The following ANKRD13C variants were observed in gnomAD, a reference collection of about 807,000 sequenced individuals.
The protein encoded by ANKRD13C is ankyrin repeat domain 13C.
A neutral mutation model predicts 65.5 loss-of-function variants in ANKRD13C; 16 were observed. The ratio of observed to expected loss-of-function variants is 0.24; its 90% CI spans 0.17 to 0.37. The LOEUF (loss-of-function observed/expected upper bound fraction) is 0.37, where lower values mean the gene tolerates loss of function less well. Ranked by LOEUF, ANKRD13C falls within the 10% of genes least tolerant of loss-of-function variation. The pLI is 1.00. For missense variants in ANKRD13C, 503 were observed against 655.9 expected, an observed-to-expected ratio of 0.77 and a Z score of 2.55; for synonymous variants, 235 against 238.7, an observed-to-expected ratio of 0.98 and a Z score of 0.14.
chr1:70,336,500 A>G (rs1682027814), intron 1 of ANKRD13C, among the ~76,000 whole-genome samples: 1 of 151,774 alleles, frequency 6.6e-6, no homozygotes, highest in Non-Finnish European at 1.5e-5. Context: ...TTAGAGACAA[A>G]TATGAAAATA....
At chr1:70,269,477 G>A (rs1238084588) in intron 12 of ANKRD13C, among the ~76,000 whole-genome samples, 1 of 152,092 alleles carries the variant, frequency 6.6e-6, no homozygotes. Context: ...TACCTAGAAG[G>A]GAGTCTAAAA....
At chr1:70,341,361 G>GTTTT (rs1558313227) in intron 1 of ANKRD13C, among the ~76,000 whole-genome samples, 1 of 128,684 alleles carries the variant, frequency 7.8e-6, no homozygotes, top group African/African-American at 3.1e-5. Flanking sequence ...ATCTTTTTGT[G>GTTTT]TGTTTTTTTT....
intron 5 of ANKRD13C, among the ~76,000 whole-genome samples, chr1:70,309,439 C>A (rs1184523982): frequency 2.0e-5 from 3 of 149,960 alleles, no homozygotes; most frequent in Non-Finnish European, 4.4e-5. Flanking sequence ...AAATAATAGG[C>A]CGGGCGCGGT....
chr1:70,347,016 G>A (rs185838059), intron 1 of ANKRD13C, among the ~76,000 whole-genome samples: 149 of 150,350 alleles, frequency 9.9e-4, no homozygotes, highest in African/African-American at 2.7e-3. Context: ...GGTGTGAACC[G>A]GGGAGGCGGA....
intron 4 of ANKRD13C, among the ~76,000 whole-genome samples, 172 bp from the exon 5 acceptor site, chr1:70,313,962 T>A (rs1415646187): frequency 6.6e-6 from 1 of 151,994 alleles, no homozygotes; most frequent in Non-Finnish European, 1.5e-5. Context: ...GTAACATATC[T>A]GAAACTGATA....
rs1228023912 is a variant in ANKRD13C, at chr1:70,282,054, C to CTT, written c.1216-5212_1216-5211dup. On this transcript the variant is annotated intron_variant, in intron 9 of 12. Coordinates refer to ENST00000370944, the MANE Select transcript of ANKRD13C (RefSeq NM_030816.5). ...GGAATATGAAACTGGTACATATCATCTTTTTTTTTTTTTTTTTTGAGATGG... is the reference window on the plus strand; with the variant it reads ...GGAATATGAAACTGGTACATATCATCTTTTTTTTTTTTTTTTTTTTGAGATGG... Among the ~76,000 whole-genome samples the CTT allele has an allele frequency of 3.9e-4, 52 of 132,014 alleles. 2 individuals are homozygous for CTT. Among genetic ancestry groups the CTT allele is most frequent in the African/African-American group, 1.2e-3 (43 of 34,724 alleles). 86.6% of individuals were successfully genotyped at this position (132,014 alleles called of 152,430 possible).
At chr1:70,338,025 G>C (rs962271315) in intron 1 of ANKRD13C, among the ~76,000 whole-genome samples, 1 of 152,050 alleles carries the variant, frequency 6.6e-6, no homozygotes, top group Non-Finnish European at 1.5e-5. Context: ...CTTGAACCTG[G>C]GAGGCGAAGG....
intron 1 of ANKRD13C, among the ~76,000 whole-genome samples, chr1:70,352,207 G>T (rs548130947): frequency 6.6e-6 from 1 of 152,060 alleles, no homozygotes; most frequent in South Asian, 2.1e-4. Context: ...TGGCGCGGTG[G>T]TGGGCGCCTG....
intron 6 of ANKRD13C, among the ~76,000 whole-genome samples, chr1:70,304,214 TGTATTTTTC>T (rs1219558022): frequency 4.1e-5 from 6 of 147,864 alleles, no homozygotes; most frequent in Admixed American, 3.4e-4. Flanking sequence ...GCTAATTTTT[TGTATTTTTC>T]GTATAGACAA....
At chr1:70,328,923 G>A (rs914138056) in intron 2 of ANKRD13C, among the ~76,000 whole-genome samples, 1 of 152,076 alleles carries the variant, frequency 6.6e-6, no homozygotes, top group Non-Finnish European at 1.5e-5. Context: ...TTGTAAATAT[G>A]TTTGTATGTA....
At chr1:70,321,685 A>G (rs1044359646) in intron 3 of ANKRD13C, among the ~76,000 whole-genome samples, 1 of 152,206 alleles carries the variant, frequency 6.6e-6, no homozygotes, top group African/African-American at 2.4e-5. Flanking sequence ...TTTTAGTTGT[A>G]TCCATATCTC....
chr1:70,272,259 C>T (rs555128870), intron 11 of ANKRD13C, among the ~76,000 whole-genome samples: 59 of 147,214 alleles, frequency 4.0e-4, no homozygotes, highest in Admixed American at 1.4e-3. Context: ...GAGTTTCGCT[C>T]TTGTTGCCCA....
At chr1:70,275,831 C>T (rs1038293870) in intron 10 of ANKRD13C, among the ~76,000 whole-genome samples, 10 of 151,404 alleles carry the variant, frequency 6.6e-5, no homozygotes, top group African/African-American at 1.2e-4. Flanking sequence ...CATGGTGGAG[C>T]GCACCTGTAT....
chr1:70,319,511 G>T (rs190732285), intron 3 of ANKRD13C, among the ~76,000 whole-genome samples: 490 of 151,162 alleles, frequency 3.2e-3, no homozygotes, highest in African/African-American at 0.011. Context: ...GGAGACTGGG[G>T]CAGGAGAATT....
intron 2 of ANKRD13C, among the ~76,000 whole-genome samples, chr1:70,328,744 A>G (rs1681656369): frequency 6.6e-6 from 1 of 152,240 alleles, no homozygotes; most frequent in Non-Finnish European, 1.5e-5. Flanking sequence ...CTATATAATA[A>G]TAAGCATAGA....
chr1:70,262,687 T>G lies in ANKRD13C; in HGVS notation c.*30A>C, dbSNP rs1421908650. Reference sequence around the variant, plus strand: ...TCTAGGGTCTCTGTATTTTCTTTCCTTGGTTAGACGGCATCCTTTTCCACG... The same window carrying G: ...TCTAGGGTCTCTGTATTTTCTTTCCGTGGTTAGACGGCATCCTTTTCCACG... On this transcript the variant is annotated 3_prime_UTR_variant, in exon 13 of 13. Transcript: ENST00000370944. 3 of 1,600,062 alleles carry G rather than the reference T, an allele frequency of 1.9e-6. No individual in the cohort carries two copies. The Admixed American group carries it at 5.1e-5, about 27-fold the overall frequency.
At chr1:70,311,695 A>T (rs1680857196) in intron 5 of ANKRD13C, among the ~76,000 whole-genome samples, 1 of 152,238 alleles carries the variant, frequency 6.6e-6, no homozygotes, top group Admixed American at 6.5e-5. Context: ...TTAATTTTCT[A>T]TAATGTTCAA....
chr1:70,279,932 G>C (rs1229886863), intron 9 of ANKRD13C, among the ~76,000 whole-genome samples: 1 of 152,178 alleles, frequency 6.6e-6, no homozygotes, highest in Non-Finnish European at 1.5e-5. Context: ...GTTTGGAAGA[G>C]GTAAAGTTTA....
intron 9 of ANKRD13C, among the ~76,000 whole-genome samples, chr1:70,290,539 CTTTT>C (rs768872701): frequency 1.4e-5 from 2 of 142,208 alleles, no homozygotes. Context: ...GATTTTTCTC[CTTTT>C]TTTTTTTTTT....
Sources: allele counts gnomAD v4.1 joint callset (sites outside exome capture counted in the v4.1 genomes callset), GRCh38; gene constraint gnomAD v4.1.1; transcripts MANE v1.5; gene names NCBI Gene and HGNC (gene_info 2026-07-23, HGNC 2026-07-21).